Variants in CNNM4 observed in about 807,000 individuals in gnomAD.
CNNM4 encodes metal transporter CNNM4.
In CNNM4, 32 loss-of-function variants were observed where a neutral mutation model predicts 53.7. The observed-to-expected ratio is 0.60, with a 90% CI of 0.45 to 0.80. CNNM4 has a LOEUF of 0.80. CNNM4 is among the 30% of genes least tolerant of loss of function. CNNM4 has a pLI of 0.00. For missense variants in CNNM4, 784 were observed against 1,022.0 expected (o/e 0.77, Z 3.17); for synonymous variants, 410 against 440.0 (o/e 0.93, Z 0.85).
chr2:96,790,771 G>A (rs570499277), intron 1 of CNNM4, among the ~76,000 whole-genome samples: 1 of 151,582 alleles, frequency 6.6e-6, no homozygotes, highest in African/African-American at 2.4e-5. Context: ...ATCACTTGAG[G>A]TTGGGAGTTA....
chr2:96,797,669 G>T lies in CNNM4; in HGVS notation c.1681+22G>T. On this transcript the variant is annotated intron_variant, in intron 3 of 6. Coordinates refer to ENST00000377075, the MANE Select transcript of CNNM4 (RefSeq NM_020184.4). This position sits in a 1 kb window ranked among gnomAD's most constrained non-coding sequence, Gnocchi z 6.0. ...ACAGGTAGCATGAGGAGGACCTTCC[G>T]GTCTTGGTGGAAATACGGTCACGGG... 2 of 1,613,184 alleles carry T rather than the reference G, an allele frequency of 1.2e-6. No homozygotes were observed. Among genetic ancestry groups the T allele is most frequent in the Non-Finnish European group, 1.7e-6 (2 of 1,180,004 alleles).
chr2:96,793,599 G>A (rs571175592), intron 1 of CNNM4, among the ~76,000 whole-genome samples: 4 of 152,330 alleles, frequency 2.6e-5, no homozygotes, highest in South Asian at 4.1e-4. Context: ...GGCGGGGGGC[G>A]GAGAATGGTA....
rs1362509737 is a variant in CNNM4 at position 96,809,814 on chromosome 2, TGGGAA to T, written c.*304_*308del. On this transcript the variant is annotated 3_prime_UTR_variant, in exon 7 of 7. Transcript: ENST00000377075. ...CATCACTTTTTTTTAAATATCATTTTGGGAAGGGAAGACAGGGTTAAGGAACTTTA... is the reference window on the plus strand; with the variant it reads ...CATCACTTTTTTTTAAATATCATTTTGGGAAGACAGGGTTAAGGAACTTTA... 1 of 330,324 alleles carries T rather than the reference TGGGAA, an allele frequency of 3.0e-6. No homozygotes were observed. Among genetic ancestry groups the T allele is most frequent in the Non-Finnish European group, 5.6e-6 (1 of 180,098 alleles). The allele number at this position is 330,324 out of a possible 1,614,324, so 20.5% of individuals were successfully genotyped here. A position where few individuals can be genotyped will look rare whatever the true frequency, so the allele number is the denominator to read the frequency against.
chr2:96,783,128 C>G (rs1353068943), intron 1 of CNNM4, among the ~76,000 whole-genome samples: 1 of 152,128 alleles, frequency 6.6e-6, no homozygotes, highest in Non-Finnish European at 1.5e-5. Context: ...CAAAAAGGTT[C>G]AAAGAATGGA....
intron 1 of CNNM4, among the ~76,000 whole-genome samples, chr2:96,790,344 TTTTG>T (rs1204330701): frequency 6.8e-6 from 1 of 148,132 alleles, no homozygotes; most frequent in Non-Finnish European, 1.5e-5. Context: ...GGATGTGTTT[TTTTG>T]TTTGTTTATT....
intron 1 of CNNM4, among the ~76,000 whole-genome samples, chr2:96,791,119 CA>C (rs796162631): frequency 0.049 from 3,652 of 74,352 alleles, 135 homozygotes; most frequent in African/African-American, 0.14. Context: ...GACTCTGTCT[CA>C]AAAAAAAAAA....
In CNNM4 at chr2:96,801,393, C is replaced by T. The variant is rs369524711; in HGVS notation, c.1948+1745C>T. 1.3e-5 allele frequency among the ~76,000 whole-genome samples: 2 copies of T among 152,114 alleles called. No homozygotes were observed. The highest frequency in any genetic ancestry group is 3.9e-4 in the East Asian group (2 of 5,172). On this transcript the variant is annotated intron_variant, in intron 5 of 6. Coordinates refer to ENST00000377075, the MANE Select transcript of CNNM4 (RefSeq NM_020184.4). The surrounding 1 kb of genome is among the most constrained non-coding windows in gnomAD (Gnocchi z 5.6). ...ACACAGAGACACACAGAGAGATACA[C>T]ATACAGATACACATAGCCATAGATA...
intron 1 of CNNM4, among the ~76,000 whole-genome samples, chr2:96,793,646 G>T (rs550393162): frequency 6.6e-6 from 1 of 152,164 alleles, no homozygotes; most frequent in Non-Finnish European, 1.5e-5. Context: ...CATTTCATCC[G>T]CAGGAGGGCT....
intron 1 of CNNM4, among the ~76,000 whole-genome samples, chr2:96,781,513 C>CCTGAT (rs1334689598): frequency 1.3e-5 from 2 of 152,190 alleles, no homozygotes; most frequent in Non-Finnish European, 2.9e-5. Flanking sequence ...CATGCCCGCA[C>CCTGAT]CTGATTATAG....
In CNNM4 at chr2:96,801,227, C is replaced by T. The variant is rs1052072852; in HGVS notation, c.1948+1579C>T. On this transcript the variant is annotated intron_variant, in intron 5 of 6. Transcript: ENST00000377075. This position sits in a 1 kb window ranked among gnomAD's most constrained non-coding sequence, Gnocchi z 5.6. ...ACCTCCCCACATGGACCCGGACCCC[C>T]GCCTGCTCAATGTGGGCCGCCAGAC... The T allele has an allele frequency of 1.9e-5, 13 of 692,506 alleles. No individual in the cohort carries two copies. The highest frequency in any genetic ancestry group is 6.3e-5 in the Admixed American group (1 of 15,906). 42.9% of individuals were successfully genotyped at this position (692,506 alleles called of 1,614,324 possible). A position where few individuals can be genotyped will look rare whatever the true frequency, so the allele number is the denominator to read the frequency against.
intron 1 of CNNM4, among the ~76,000 whole-genome samples, chr2:96,781,469 C>T (rs551715955): frequency 6.6e-6 from 1 of 152,296 alleles, no homozygotes; most frequent in Non-Finnish European, 1.5e-5. Context: ...CTACCTTGGC[C>T]TCCCAAAATG....
At chr2:96,806,050 G>C (rs1389307013) in intron 5 of CNNM4, among the ~76,000 whole-genome samples, 1 of 145,912 alleles carries the variant, frequency 6.9e-6, no homozygotes, top group Non-Finnish European at 1.5e-5. Context: ...CTCACCTCCC[G>C]GACGGGGCGG....
rs569416889 is a variant in CNNM4, at chr2:96,811,250, G to A, written c.*1733G>A. ...TCAACTGTAAGGAAAAAAGACACCA[G>A]ACTTTTGTTCCCTAGTGGGGGAAAG... is the stretch of plus-strand genomic sequence containing the variant. On this transcript the variant is annotated 3_prime_UTR_variant, in exon 7 of 7. Transcript: ENST00000377075. 6.6e-6 allele frequency: 1 copy of A among 152,234 alleles called. No individual in the cohort carries two copies. 9.4% of individuals were successfully genotyped at this position (152,234 alleles called of 1,614,324 possible).
In CNNM4 at chr2:96,808,604, C is replaced by T. The variant is rs776205171; in HGVS notation, c.1992C>T (p.Ser664=). Reference sequence around the variant, plus strand: ...CCACCCCACTCAGCCGCTCAGCCTCCCTCAGTTACCCAGACCGCACAGACG... The same window carrying T: ...CCACCCCACTCAGCCGCTCAGCCTCTCTCAGTTACCCAGACCGCACAGACG... ...AHPTPLSRSA[S]LSYPDRTDVS... The change falls in exon 6 of 7, where the codon TCC becomes TCT. Residue 664 remains serine, a synonymous_variant. Transcript: ENST00000377075. The surrounding 1 kb of genome is among the most constrained non-coding windows in gnomAD (Gnocchi z 4.9). 1 of 1,614,158 alleles carries T rather than the reference C, an allele frequency of 6.2e-7. No homozygotes were observed.
intron 1 of CNNM4, among the ~76,000 whole-genome samples, chr2:96,768,870 G>T (rs934939624): frequency 4.6e-5 from 7 of 152,194 alleles, no homozygotes; most frequent in Admixed American, 3.9e-4. Flanking sequence ...GACCACACCA[G>T]TGTGCAGTAA....
intron 1 of CNNM4, among the ~76,000 whole-genome samples, chr2:96,788,299 G>A (rs571027519): frequency 3.9e-4 from 59 of 150,420 alleles, no homozygotes; most frequent in African/African-American, 1.4e-3. Flanking sequence ...CTGTCTCAGA[G>A]TCTAGCGAGT....
intron 3 of CNNM4, among the ~76,000 whole-genome samples, chr2:96,798,040 C>T (rs1203668397): frequency 1.3e-5 from 2 of 151,984 alleles, no homozygotes; most frequent in African/African-American, 4.8e-5. Context: ...AATACAAAAG[C>T]CAGGCATGGT....
chr2:96,764,356 C>A (rs531199295), intron 1 of CNNM4, among the ~76,000 whole-genome samples: 1 of 152,138 alleles, frequency 6.6e-6, no homozygotes, highest in Admixed American at 6.5e-5. Context: ...CAGTTTACTC[C>A]GGGAAACTCT....
intron 5 of CNNM4, among the ~76,000 whole-genome samples, chr2:96,805,437 T>TAA (rs1232059455): frequency 7.0e-6 from 1 of 142,052 alleles, no homozygotes; most frequent in African/African-American, 2.8e-5. Flanking sequence ...TTTTTTTTTT[T>TAA]TTATTATTTT....
Sources: gnomAD v4.1 joint callset for allele counts (sites outside exome capture counted in the v4.1 genomes callset) on GRCh38, gnomAD v4.1.1 for gene constraint, Gnocchi (gnomAD v3.1) non-coding constraint, MANE v1.5 for transcripts, NCBI Gene and HGNC (gene_info 2026-07-23, HGNC 2026-07-21) for gene names.